Variants in LYPD6 observed in about 807,000 individuals in gnomAD.
The protein encoded by LYPD6 is LY6/PLAUR domain containing 6.
In LYPD6, 15 loss-of-function variants were observed where a neutral mutation model predicts 22.7. The observed-to-expected ratio is 0.66, with a 90% confidence interval of 0.44 to 1.02. LYPD6 has a LOEUF of 1.02. LYPD6 is among the 50% of genes least tolerant of loss of function. The pLI, the probability that LYPD6 is intolerant of heterozygous loss-of-function variation, is 0.00. For missense variants in LYPD6, 189 were observed against 208.4 expected (o/e 0.91, Z 0.57); for synonymous variants, 72 against 77.5 (o/e 0.93, Z 0.37).
chr2:149,457,397 G>A (rs957197765), intron 3 of LYPD6, among the ~76,000 whole-genome samples: 1 of 152,184 alleles, frequency 6.6e-6, no homozygotes, highest in African/African-American at 2.4e-5. Flanking sequence ...GTTTATTAGA[G>A]ATTAAATGCC....
At chr2:149,379,156 G>A (rs1244825553) in intron 1 of LYPD6, among the ~76,000 whole-genome samples, 1 of 152,158 alleles carries the variant, frequency 6.6e-6, no homozygotes, top group Non-Finnish European at 1.5e-5. Flanking sequence ...TGGTATGGGA[G>A]CCCCCTCAAC....
At chr2:149,481,315 G>T in the LYPD6 span, among the ~76,000 whole-genome samples, 1 of 152,108 alleles carries the variant, frequency 6.6e-6, no homozygotes, top group Non-Finnish European at 1.5e-5. Flanking sequence ...ATTTAATCTT[G>T]CACTAAAAAA....
At chr2:149,389,772 A>G (rs1020335726) in intron 1 of LYPD6, among the ~76,000 whole-genome samples, 2 of 152,060 alleles carry the variant, frequency 1.3e-5, no homozygotes, top group African/African-American at 4.8e-5. Context: ...TCGTGTTTCT[A>G]ATTAGTCAGA....
At chr2:149,376,752 G>GTGTAGAAAGCATA (rs1681931154) in intron 1 of LYPD6, among the ~76,000 whole-genome samples, 2 of 152,190 alleles carry the variant, frequency 1.3e-5, no homozygotes, top group Non-Finnish European at 2.9e-5. Flanking sequence ...AGGGACGCAT[G>GTGTAGAAAGCATA]TAAAGCTTAT....
chr2:149,334,448 A>C (rs1680996076), intron 1 of LYPD6, among the ~76,000 whole-genome samples: 1 of 152,218 alleles, frequency 6.6e-6, no homozygotes, highest in East Asian at 1.9e-4. Context: ...AGGCTTTCTC[A>C]AGCAATACAC....
intron 1 of LYPD6, among the ~76,000 whole-genome samples, chr2:149,373,013 GCT>G (rs1485810373): frequency 6.6e-6 from 1 of 152,188 alleles, no homozygotes; most frequent in Non-Finnish European, 1.5e-5. Flanking sequence ...GCTTTGAGTA[GCT>G]CTCTCTGGTT....
chr2:149,342,308 C>A (rs1188902824), intron 1 of LYPD6, among the ~76,000 whole-genome samples: 1 of 152,140 alleles, frequency 6.6e-6, no homozygotes, highest in African/African-American at 2.4e-5. Context: ...ATACAACACC[C>A]AAACCATATC....
At chr2:149,390,584 T>G (rs1485014851) in intron 1 of LYPD6, among the ~76,000 whole-genome samples, 2 of 152,240 alleles carry the variant, frequency 1.3e-5, no homozygotes, top group Non-Finnish European at 2.9e-5. Context: ...TGAGATTTGT[T>G]GCAGCATTGC....
At chr2:149,343,989 A>G (rs1055901555) in intron 1 of LYPD6, among the ~76,000 whole-genome samples, 1 of 152,204 alleles carries the variant, frequency 6.6e-6, no homozygotes, top group African/African-American at 2.4e-5. Context: ...TATCTGAAAG[A>G]AGGTGTGATA....
chr2:149,465,758 T>G (rs1681185964), intron 3 of LYPD6, among the ~76,000 whole-genome samples: 1 of 152,226 alleles, frequency 6.6e-6, no homozygotes, highest in South Asian at 2.1e-4. Flanking sequence ...TGTGCATGCG[T>G]GCACATGGGT....
intron 1 of LYPD6, among the ~76,000 whole-genome samples, chr2:149,416,032 G>A (rs373500552): frequency 1.1e-5 from 1 of 87,784 alleles, no homozygotes; most frequent in African/African-American, 6.3e-5. Flanking sequence ...CCGAGTCAAA[G>A]TTGCCACAGT....
At chr2:149,387,464 G>A (rs1192762823) in intron 1 of LYPD6, among the ~76,000 whole-genome samples, 1 of 152,072 alleles carries the variant, frequency 6.6e-6, no homozygotes, top group Non-Finnish European at 1.5e-5. Flanking sequence ...TAATTTCACT[G>A]GTTCATTTTT....
At chr2:149,350,134 C>T (rs1389862159) in intron 1 of LYPD6, among the ~76,000 whole-genome samples, 1 of 152,130 alleles carries the variant, frequency 6.6e-6, no homozygotes, top group Non-Finnish European at 1.5e-5. Context: ...CAAAAATGAA[C>T]CTCATAAAAG....
chr2:149,429,814 T>C (rs980271331), intron 1 of LYPD6, among the ~76,000 whole-genome samples: 12 of 152,184 alleles, frequency 7.9e-5, no homozygotes, highest in African/African-American at 2.9e-4. Flanking sequence ...GCAGCTCTCT[T>C]TTTTATGAAG....
chr2:149,330,315 G>T (rs1680903927), upstream of LYPD6: 1 of 151,802 alleles, frequency 6.6e-6, no homozygotes, highest in South Asian at 2.1e-4. Context: ...CGGGAGCGCG[G>T]CGCCCGGGTG....
At chr2:149,485,524 C>T in the LYPD6 span, among the ~76,000 whole-genome samples, 1 of 152,028 alleles carries the variant, frequency 6.6e-6, no homozygotes, top group South Asian at 2.1e-4. Flanking sequence ...TACCTGTGAG[C>T]CATTTAGGGA....
intron 1 of LYPD6, among the ~76,000 whole-genome samples, chr2:149,430,885 C>T (rs1319377368): frequency 6.6e-6 from 1 of 152,144 alleles, no homozygotes; most frequent in African/African-American, 2.4e-5. Flanking sequence ...GCTTATGGTC[C>T]TAGCACTTTG....
intron 3 of LYPD6, among the ~76,000 whole-genome samples, chr2:149,460,916 T>C (rs926851902): frequency 1.3e-5 from 2 of 152,068 alleles, no homozygotes; most frequent in Admixed American, 1.3e-4. Context: ...AAGGGAAATT[T>C]AAAAGACAAT....
chr2:149,344,787 A>G (rs537901697), intron 1 of LYPD6, among the ~76,000 whole-genome samples: 13 of 152,290 alleles, frequency 8.5e-5, no homozygotes, highest in Admixed American at 7.2e-4. Context: ...AGGATGTAGG[A>G]TGGCTGTGTC....
Sources: gnomAD v4.1 joint callset for allele counts (sites outside exome capture counted in the v4.1 genomes callset) on GRCh38, gnomAD v4.1.1 for gene constraint, MANE v1.5 for transcripts, NCBI Gene and HGNC (gene_info 2026-07-23, HGNC 2026-07-21) for gene names.